The following HPN variants were observed in gnomAD, a reference collection of about 807,000 sequenced individuals.
HPN encodes hepsin, also known as serine protease hepsin.
In HPN, 13 loss-of-function variants were observed where a neutral mutation model predicts 55.9. That is an observed-to-expected ratio of 0.23 (90% CI 0.15 to 0.37). The LOEUF is 0.37. Among genes scored for constraint, HPN ranks in the 10% least tolerant of loss-of-function variants. The pLI, the probability that HPN is intolerant of heterozygous loss-of-function variation, is 1.00. For synonymous variants in HPN, 225 were observed against 240.3 expected (o/e 0.94, Z 0.59); for missense variants, 451 against 575.8 (o/e 0.78, Z 2.22).
At chr19:35,061,519 G>A (rs1350307341) in intron 9 of HPN, among the ~76,000 whole-genome samples, 2 of 151,330 alleles carry the variant, frequency 1.3e-5, no homozygotes, top group Admixed American at 6.6e-5. Context: ...TCTTGAACCC[G>A]GGAGGTGGAG....
intron 2 of HPN, among the ~76,000 whole-genome samples, chr19:35,048,197 A>G (rs1160796698): frequency 6.6e-6 from 1 of 152,150 alleles, no homozygotes. Context: ...AGAACTTGCT[A>G]TGTGCCAGGC....
chr19:35,044,015 A>AT (rs2064318352), intron 2 of HPN, among the ~76,000 whole-genome samples: 1 of 152,220 alleles, frequency 6.6e-6, no homozygotes, highest in Admixed American at 6.5e-5. Flanking sequence ...AAGGGTTCCG[A>AT]TTCTGCACTT....
At chr19:35,048,749 T>G (rs1358141066) in intron 2 of HPN, among the ~76,000 whole-genome samples, 1 of 151,938 alleles carries the variant, frequency 6.6e-6, no homozygotes, top group Admixed American at 6.6e-5. Context: ...ATACATAAAA[T>G]AAAATGAGGC....
At chr19:35,047,552 C>T (rs930771837) in intron 2 of HPN, among the ~76,000 whole-genome samples, 2 of 152,218 alleles carry the variant, frequency 1.3e-5, no homozygotes, top group Non-Finnish European at 2.9e-5. Context: ...GTCTCCCACT[C>T]CCCACCTACA....
intron 4 of HPN, among the ~76,000 whole-genome samples, chr19:35,051,093 G>A (rs1459181902): frequency 6.6e-6 from 1 of 151,020 alleles, no homozygotes; most frequent in Non-Finnish European, 1.5e-5. Context: ...AAATTATTTT[G>A]TCAATAACAA....
At chr19:35,064,353 CTCTT>C (rs1431036867) in intron 9 of HPN, among the ~76,000 whole-genome samples, 1 of 152,086 alleles carries the variant, frequency 6.6e-6, no homozygotes, top group Non-Finnish European at 1.5e-5. Context: ...TTCTCTCTCT[CTCTT>C]TCTTTTTTTG....
At chr19:35,056,973 A>T (rs1332648824) in intron 4 of HPN, among the ~76,000 whole-genome samples, 2 of 152,180 alleles carry the variant, frequency 1.3e-5, no homozygotes, top group Non-Finnish European at 2.9e-5. Context: ...AATAGTCAAG[A>T]TTGGCAGTCT....
rs113292725 is a variant in HPN, at chr19:35,060,936, G to A, written c.811+119G>A. 5.4e-3 allele frequency: 4,628 copies of A among 849,718 alleles called. 61 individuals carry two copies. Among genetic ancestry groups the A allele is most frequent in the South Asian group, 0.036 (2,018 of 56,382 alleles). The allele number at this position is 849,718 out of a possible 1,614,324, so 52.6% of individuals were successfully genotyped here. A position where few individuals can be genotyped will look rare whatever the true frequency, so the allele number is the denominator to read the frequency against. ...AGGCATCCTTGGCAATAAGGGGAAT[G>A]ATCTCGAGGGAGCACAAAGTGGGCC... is the stretch of plus-strand genomic sequence containing the variant. On this transcript the variant is annotated intron_variant, in intron 9 of 12. Transcript: ENST00000672452.
At chr19:35,058,864 C>CA (rs1402880543) in intron 4 of HPN, among the ~76,000 whole-genome samples, 7 of 151,942 alleles carry the variant, frequency 4.6e-5, no homozygotes, top group South Asian at 4.1e-4. Flanking sequence ...GGTTTCTCCA[C>CA]AAAAAATACA....
At chr19:35,048,026 G>A (rs1167476464) in intron 2 of HPN, among the ~76,000 whole-genome samples, 19 of 55,520 alleles carry the variant, frequency 3.4e-4, no homozygotes, top group African/African-American at 1.0e-3. Flanking sequence ...GAGAGAGAGA[G>A]AAAAAGAAAG....
chr19:35,049,321 CA>C lies in HPN; in HGVS notation c.50del (p.Lys17ArgfsTer13). 6.3e-7 allele frequency: 1 copy of C among 1,590,840 alleles called. No individual in the cohort carries two copies. Among genetic ancestry groups the C allele is most frequent in the Non-Finnish European group, 8.6e-7 (1 of 1,166,654 alleles). On this transcript the variant is annotated frameshift_variant, in exon 3 of 13. Transcript: ENST00000672452. LOFTEE classifies it high-confidence loss of function. ...GRTVPCCSRP[K>X]VAALTAGTLL... ...GGACTGTGCCATGCTGCTCCAGACC[CA>C]AGGTGGCAGCTCTCACTGCGGGGAC...
At chr19:35,058,081 A>T (rs2064475667) in intron 4 of HPN, among the ~76,000 whole-genome samples, 1 of 151,552 alleles carries the variant, frequency 6.6e-6, no homozygotes, top group Non-Finnish European at 1.5e-5. Context: ...TGAACCCGGG[A>T]GGCAGAGGTT....
chr19:35,048,743 AT>A (rs1205973563), intron 2 of HPN, among the ~76,000 whole-genome samples: 1 of 152,186 alleles, frequency 6.6e-6, no homozygotes, highest in African/African-American at 2.4e-5. Context: ...AAATTAATAC[AT>A]AAAATAAAAT....
chr19:35,056,789 C>T (rs532490743), intron 4 of HPN, among the ~76,000 whole-genome samples: 1 of 152,302 alleles, frequency 6.6e-6, no homozygotes, highest in South Asian at 2.1e-4. Flanking sequence ...GTCCAGTTAA[C>T]GCTTGCTGAG....
At chr19:35,056,881 G>A (rs186982312) in intron 4 of HPN, among the ~76,000 whole-genome samples, 1 of 151,450 alleles carries the variant, frequency 6.6e-6, no homozygotes, top group Non-Finnish European at 1.5e-5. Context: ...CTGCATAAAA[G>A]AGCATTATTG....
chr19:35,043,468 G>A (rs1238945600), intron 2 of HPN, among the ~76,000 whole-genome samples: 3 of 152,208 alleles, frequency 2.0e-5, no homozygotes, highest in African/African-American at 7.2e-5. Flanking sequence ...TAGCTGTGTG[G>A]CCCTGGGCAG....
intron 11 of HPN, 43 bp from the exon 12 acceptor site, chr19:35,065,825 C>T (rs1672992): frequency 0.83 from 1,331,009 of 1,609,968 alleles, 560,615 homozygotes; most frequent in Admixed American, 0.9. Flanking sequence ...GCCTCCTGTC[C>T]AACCACTTTG....
At chr19:35,058,762 G>A (rs1292764508) in intron 4 of HPN, among the ~76,000 whole-genome samples, 3 of 151,718 alleles carry the variant, frequency 2.0e-5, no homozygotes, top group Non-Finnish European at 4.4e-5. Flanking sequence ...GTCTGTGTAC[G>A]TATAAAGTGA....
upstream of HPN, chr19:35,041,719 C>CCCCCCCCGGG: frequency 8.4e-7 from 1 of 1,189,614 alleles, no homozygotes; most frequent in Non-Finnish European, 1.1e-6. Flanking sequence ...CCCTCCTCCT[C>CCCCCCCCGGG]AGGTGAGGCA....
Sources: gnomAD v4.1 joint callset for allele counts (sites outside exome capture counted in the v4.1 genomes callset) on GRCh38, gnomAD v4.1.1 for gene constraint, MANE v1.5 for transcripts, NCBI Gene and HGNC (gene_info 2026-07-23, HGNC 2026-07-21) for gene names.